PDE6A: variants seen among roughly 807,000 people sequenced by gnomAD.
PDE6A encodes the protein phosphodiesterase 6A, also known as rod cGMP-specific 3',5'-cyclic phosphodiesterase subunit alpha.
In PDE6A, 84 loss-of-function variants were observed where a neutral mutation model predicts 106.3. The observed-to-expected ratio is 0.79, with a 90% confidence interval of 0.66 to 0.95. The LOEUF is 0.95. Among genes scored for constraint, PDE6A ranks in the 40% least tolerant of loss-of-function variants. The pLI is 0.00. For synonymous variants in PDE6A, 394 were observed against 386.6 expected, an observed-to-expected ratio of 1.02 and a Z score of -0.23; for missense variants, 1,052 against 1,084.9, an observed-to-expected ratio of 0.97 and a Z score of 0.43.
intron 20 of PDE6A, among the ~76,000 whole-genome samples, chr5:149,865,411 A>C (rs1760293220): frequency 1.9e-5 from 2 of 105,354 alleles, no homozygotes; most frequent in Admixed American, 1.8e-4. Context: ...CCTGTCTCAA[A>C]GAAAAAAAAA....
At chr5:149,870,660 A>G (rs1293034706) in intron 17 of PDE6A, among the ~76,000 whole-genome samples, 1 of 151,052 alleles carries the variant, frequency 6.6e-6, no homozygotes, top group South Asian at 2.1e-4. Flanking sequence ...GAGGCTTCAC[A>G]TTCACTCCAG....
intron 4 of PDE6A, among the ~76,000 whole-genome samples, chr5:149,927,776 A>T (rs1753903163): frequency 6.6e-6 from 1 of 152,024 alleles, no homozygotes; most frequent in South Asian, 2.1e-4. Flanking sequence ...CTTGAATCAG[A>T]ACAAAAATAT....
Position 149,860,873 on chromosome 5 carries a change from A to T in PDE6A, c.*22T>A. The T allele has an allele frequency of 6.2e-7, 1 of 1,602,078 alleles. No homozygotes were observed. The highest frequency in any genetic ancestry group is 8.6e-7 in the Non-Finnish European group (1 of 1,168,966). ...TTCCCAGGAAAGGGTGGTGCCGTCC[A>T]GCCAGCACATCCCCAGTGGTGTTAC... On this transcript the variant is annotated 3_prime_UTR_variant, in exon 22 of 22. Transcript: ENST00000255266.
At chr5:149,905,833 G>T (rs1215774960) in intron 7 of PDE6A, among the ~76,000 whole-genome samples, 1 of 152,152 alleles carries the variant, frequency 6.6e-6, no homozygotes, top group African/African-American at 2.4e-5. Flanking sequence ...TTCCCAGGAA[G>T]CTGCTAGAGT....
chr5:149,899,353 A>G (rs773259452), intron 9 of PDE6A, 22 bp downstream of exon 9: 4 of 1,613,496 alleles, frequency 2.5e-6, no homozygotes, highest in Non-Finnish European at 3.4e-6. Context: ...CCAACAGCAA[A>G]AGGCCTCCTA....
intron 17 of PDE6A, among the ~76,000 whole-genome samples, chr5:149,874,013 A>G (rs1019729116): frequency 6.6e-5 from 10 of 152,100 alleles, no homozygotes; most frequent in African/African-American, 2.4e-4. Flanking sequence ...CTCTAAAAAA[A>G]AAAAAAAAGA....
intron 5 of PDE6A, among the ~76,000 whole-genome samples, chr5:149,920,992 A>AAGAAAGAAAGAAGAAAG (rs376178582): frequency 7.5e-6 from 1 of 133,194 alleles, no homozygotes; most frequent in African/African-American, 3.0e-5. Flanking sequence ...GAAAGAAAGA[A>AAGAAAGAAAGAAGAAAG]AGAAAAAGAA....
intron 6 of PDE6A, among the ~76,000 whole-genome samples, chr5:149,911,133 A>C (rs1264095444): frequency 6.6e-6 from 1 of 151,878 alleles, no homozygotes; most frequent in African/African-American, 2.4e-5. Flanking sequence ...TGCCTACCTT[A>C]GCCTCCCAAA....
Position 149,863,161 on chromosome 5 carries a change from C to T in PDE6A, c.2464G>A (p.Val822Met). 1 of 1,614,218 alleles carries T rather than the reference C, an allele frequency of 6.2e-7. No individual in the cohort carries two copies. Among genetic ancestry groups the T allele is most frequent in the East Asian group, 2.2e-5 (1 of 44,886 alleles). ...TGTTTCTGCTTCTTCTCCTCCTGCA[C>T]CTTCATCTTGGCATCGTACTCATCA... is the stretch of plus-strand genomic sequence containing the variant. ...LADEYDAKMK[V>M]QEEKKQKQQS... The change falls in exon 21 of 22, where the codon GTG (valine) becomes ATG (methionine). Residue 822 changes from valine to methionine, a missense_variant. This residue lies in a region of PDE6A where 135 missense variants were observed against 153.2 expected (regional missense o/e 0.88). Transcript: ENST00000255266. The surrounding 1 kb of genome is among the most constrained non-coding windows in gnomAD (Gnocchi z 4.7).
At chr5:149,864,731 C>T (rs532769830) in intron 20 of PDE6A, among the ~76,000 whole-genome samples, 5 of 152,250 alleles carry the variant, frequency 3.3e-5, no homozygotes, top group South Asian at 2.1e-4. Flanking sequence ...ATCCACGGCC[C>T]GCTGTGAAGT....
intron 1 of PDE6A, chr5:149,940,116 T>G (rs1480380743): frequency 6.6e-6 from 1 of 152,146 alleles, no homozygotes; most frequent in Non-Finnish European, 1.5e-5. Context: ...TAAACACCTG[T>G]GTACTTGAAC....
chr5:149,875,224 G>C (rs1760694261), intron 17 of PDE6A, among the ~76,000 whole-genome samples: 1 of 152,228 alleles, frequency 6.6e-6, no homozygotes, highest in African/African-American at 2.4e-5. Flanking sequence ...GCTGGGGAGG[G>C]GTGGGGGTGC....
Position 149,868,103 on chromosome 5 carries a change from G to A in PDE6A, c.2191C>T (p.Gln731Ter). The A allele has an allele frequency of 6.2e-7, 1 of 1,614,062 alleles. No homozygotes were observed. Among genetic ancestry groups the A allele is most frequent in the Non-Finnish European group, 8.5e-7 (1 of 1,179,918 alleles). ...TCAGCAGGAGTTCATACCTGGCTCT[G>A]CACCTCCCAGGGTTTGGTGATGGCT... ...LSAITKPWEV[Q>*]SQVALLVAAE... is the part of the protein sequence containing the mutation. Residue 731 changes from glutamine (Q) to a stop codon, truncating the protein, a stop_gained, in exon 18 of 22, where the codon CAG becomes TAG. Transcript: ENST00000255266. LOFTEE classifies it high-confidence loss of function.
chr5:149,870,946 GAGAAA>G (rs146653924), intron 17 of PDE6A, among the ~76,000 whole-genome samples: 23,992 of 147,762 alleles, frequency 0.16, 2,071 homozygotes, highest in Middle Eastern at 0.21. Flanking sequence ...GAGAAGAGAA[GAGAAA>G]AGAAAAGAAA....
intron 12 of PDE6A, 125 bp from the exon 13 acceptor site, chr5:149,895,415 C>T (rs1752703310): frequency 2.7e-6 from 2 of 728,904 alleles, no homozygotes; most frequent in Non-Finnish European, 5.0e-6. Context: ...GGTACTCTAA[C>T]CCCATCATTG....
At chr5:149,901,093 T>C (rs976457607) in intron 8 of PDE6A, among the ~76,000 whole-genome samples, 2 of 152,138 alleles carry the variant, frequency 1.3e-5, no homozygotes, top group Non-Finnish European at 2.9e-5. Flanking sequence ...TTTTTGTATT[T>C]TTAGTAGAGA....
At chr5:149,943,434 A>G (rs1439449400) in intron 1 of PDE6A, among the ~76,000 whole-genome samples, 24 of 152,170 alleles carry the variant, frequency 1.6e-4, no homozygotes, top group Admixed American at 1.4e-3. Flanking sequence ...TAGACACAGT[A>G]ACAGTCTGAT....
intron 5 of PDE6A, among the ~76,000 whole-genome samples, chr5:149,918,745 G>A (rs191589066): frequency 2.0e-5 from 3 of 151,984 alleles, no homozygotes; most frequent in Non-Finnish European, 2.9e-5. Flanking sequence ...CCAAGTAACT[G>A]GTAATACAGG....
rs1554089230 is a variant in PDE6A, at chr5:149,900,375, G to GTATGTATATA, written c.1114-852_1114-851insTATATACATA. 9.3e-4 allele frequency among the ~76,000 whole-genome samples: 77 copies of GTATGTATATA among 82,654 alleles called. 3 individuals are homozygous for GTATGTATATA. The highest frequency in any genetic ancestry group is 2.5e-3 in the African/African-American group (65 of 26,288). The allele number at this position is 82,654 out of a possible 152,430, so 54.2% of individuals were successfully genotyped here. A position where few individuals can be genotyped will look rare whatever the true frequency, so the allele number is the denominator to read the frequency against. ...AGACTCCATCTCGAAAAATATATAT[G>GTATGTATATA]TATATATATATATATATATATATCC... On this transcript the variant is annotated intron_variant, in intron 8 of 21. Transcript: ENST00000255266.
Sources: gnomAD v4.1 joint callset for allele counts (sites outside exome capture counted in the v4.1 genomes callset) on GRCh38, gnomAD v4.1.1 for gene constraint, gnomAD v4.1.1 regional missense constraint, Gnocchi (gnomAD v3.1) non-coding constraint, MANE v1.5 for transcripts, NCBI Gene and HGNC (gene_info 2026-07-23, HGNC 2026-07-21) for gene names.